The following RORA variants were observed in gnomAD, a reference collection of about 807,000 sequenced individuals.
RORA encodes the protein RAR related orphan receptor A.
A neutral mutation model predicts 69.5 loss-of-function variants in RORA; 7 were observed. That is an observed-to-expected ratio of 0.10 (90% CI 0.06 to 0.19). The LOEUF is 0.19. RORA is among the 10% of genes least tolerant of loss of function. RORA has a pLI of 1.00. For missense variants in RORA, 457 were observed against 663.0 expected, an observed-to-expected ratio of 0.69 and a Z score of 3.41; for synonymous variants, 261 against 240.8, an observed-to-expected ratio of 1.08 and a Z score of -0.78.
chr15:60,612,114 T>A (rs933934365), intron 2 of RORA, among the ~76,000 whole-genome samples: 34 of 152,216 alleles, frequency 2.2e-4, no homozygotes, highest in Non-Finnish European at 5.9e-5. Flanking sequence ...TTGGATGCTA[T>A]CACTGAAGTT....
rs181277796 is a variant in RORA at position 60,788,539 on chromosome 15, T to C, written c.167-109853A>G. Reference sequence around the variant, plus strand: ...AAACTCCTTTCTCTACTAATCACGGTGTTGCTGCACCAAGAAGAAGCCGCC... The same window carrying C: ...AAACTCCTTTCTCTACTAATCACGGCGTTGCTGCACCAAGAAGAAGCCGCC... On this transcript the variant is annotated intron_variant, in intron 1 of 10. Coordinates refer to ENST00000335670, the MANE Select transcript of RORA (RefSeq NM_134261.3). Among the ~76,000 whole-genome samples, 410 of 152,312 alleles carry C rather than the reference T, an allele frequency of 2.7e-3. 3 individuals are homozygous for C. The highest frequency in any genetic ancestry group is 6.8e-3 in the Middle Eastern group (2 of 294).
At chr15:60,752,358 C>A (rs562821276) in intron 1 of RORA, among the ~76,000 whole-genome samples, 12 of 152,096 alleles carry the variant, frequency 7.9e-5, no homozygotes, top group African/African-American at 2.9e-4. Context: ...GTATGTAAAG[C>A]GCAGGGACGT....
chr15:60,616,880 A>G (rs1433442436), intron 2 of RORA, among the ~76,000 whole-genome samples: 2 of 152,208 alleles, frequency 1.3e-5, no homozygotes, highest in Non-Finnish European at 2.9e-5. Flanking sequence ...GACCAGCCTC[A>G]CGTCTACCTC....
At chr15:60,790,162 G>T (rs906331979) in intron 1 of RORA, among the ~76,000 whole-genome samples, 2 of 152,188 alleles carry the variant, frequency 1.3e-5, no homozygotes, top group Admixed American at 6.5e-5. Context: ...CAGACCAGTG[G>T]TTCTTCCACT....
intron 2 of RORA, among the ~76,000 whole-genome samples, chr15:60,640,406 T>C (rs2069921909): frequency 6.6e-6 from 1 of 152,150 alleles, no homozygotes; most frequent in South Asian, 2.1e-4. Context: ...CCTCCTTCTG[T>C]TTTTAAACCC....
intron 1 of RORA, among the ~76,000 whole-genome samples, chr15:60,853,727 G>T (rs1345526752): frequency 6.6e-6 from 1 of 152,156 alleles, no homozygotes; most frequent in South Asian, 2.1e-4. Flanking sequence ...CTAATTTGTT[G>T]AATTTCAGGA....
chr15:61,118,709 A>G (rs1241075764), intron 1 of RORA, among the ~76,000 whole-genome samples: 1 of 151,714 alleles, frequency 6.6e-6, no homozygotes, highest in East Asian at 1.9e-4. Context: ...CTTCTGTGAC[A>G]CTCTCCTCAA....
chr15:60,497,738 T>C, intron 10 of RORA, 119 bp from the exon 11 acceptor site: 1 of 809,386 alleles, frequency 1.2e-6, no homozygotes. Context: ...TAAAGCAACT[T>C]AAACATCCAG....
At chr15:60,558,229 A>T (rs1315869222) in intron 2 of RORA, 2 of 1,609,272 alleles carry the variant, frequency 1.2e-6, no homozygotes, top group South Asian at 2.2e-5. Context: ...ACTTACACAG[A>T]CGCCAGTAAG....
intron 1 of RORA, among the ~76,000 whole-genome samples, chr15:61,133,144 CA>C (rs1015621554): frequency 5.5e-4 from 79 of 143,078 alleles, no homozygotes; most frequent in East Asian, 1.2e-3. Context: ...ATCCCCCCAC[CA>C]AAAAAAAAAA....
At chr15:60,761,029 G>C (rs972948495) in intron 1 of RORA, among the ~76,000 whole-genome samples, 1 of 152,164 alleles carries the variant, frequency 6.6e-6, no homozygotes, top group Non-Finnish European at 1.5e-5. Flanking sequence ...TTTGGGCACA[G>C]GGAGGGGTGG....
At chr15:60,574,106 G>A (rs1288907690) in intron 2 of RORA, among the ~76,000 whole-genome samples, 1 of 152,152 alleles carries the variant, frequency 6.6e-6, no homozygotes, top group African/African-American at 2.4e-5. Flanking sequence ...TGGTGCTGGG[G>A]CTGTTGGGTC....
chr15:60,962,643 C>A (rs918470443), intron 1 of RORA, among the ~76,000 whole-genome samples: 1 of 152,164 alleles, frequency 6.6e-6, no homozygotes, highest in Non-Finnish European at 1.5e-5. Flanking sequence ...ATTTTAGAGA[C>A]CATAAAATGA....
At chr15:60,623,612 GGCCTGGCTCCA>G (rs2069479685) in intron 2 of RORA, among the ~76,000 whole-genome samples, 1 of 152,150 alleles carries the variant, frequency 6.6e-6, no homozygotes, top group African/African-American at 2.4e-5. Context: ...AAGCACAAGT[GGCCTGGCTCCA>G]GAGCCAGGCT....
chr15:60,845,395 A>G (rs1171403200), intron 1 of RORA, among the ~76,000 whole-genome samples: 1 of 152,106 alleles, frequency 6.6e-6, no homozygotes, highest in Non-Finnish European at 1.5e-5. Flanking sequence ...CCTCGTCCCT[A>G]TTTCCCTGAA....
At chr15:61,027,115 C>G (rs1895859002) in intron 1 of RORA, among the ~76,000 whole-genome samples, 1 of 152,116 alleles carries the variant, frequency 6.6e-6, no homozygotes, top group African/African-American at 2.4e-5. Context: ...TATGTCTCTT[C>G]TAATGGAATA....
At position 60,792,390 on chromosome 15, in the gene RORA, T is replaced by C. The variant is rs1321129923; in HGVS notation, c.167-113704A>G. 3.9e-5 allele frequency among the ~76,000 whole-genome samples: 6 copies of C among 152,320 alleles called. No individual in the cohort carries two copies. In the South Asian group the frequency reaches 8.3e-4, roughly 21 times the overall value. On this transcript the variant is annotated intron_variant, in intron 1 of 10. Transcript: ENST00000335670. ...GAGAGAGAATGAAGCAGAAAAAGTA[T>C]ATTTGAAGGAACGGCTGAAAATTTA...
At chr15:60,865,096 G>A (rs2073473429) in intron 1 of RORA, among the ~76,000 whole-genome samples, 1 of 152,184 alleles carries the variant, frequency 6.6e-6, no homozygotes, top group Admixed American at 6.5e-5. Flanking sequence ...CCATTGCCTG[G>A]TCCAACGTTC....
At chr15:60,683,464 C>A (rs117038817) in intron 1 of RORA, among the ~76,000 whole-genome samples, 93 of 152,192 alleles carry the variant, frequency 6.1e-4, no homozygotes, top group Middle Eastern at 3.4e-3. Flanking sequence ...TCAAAGGTAA[C>A]CCCCTGAAAC....
Sources: allele counts gnomAD v4.1 joint callset (sites outside exome capture counted in the v4.1 genomes callset), GRCh38; gene constraint gnomAD v4.1.1; transcripts MANE v1.5; gene names NCBI Gene and HGNC (gene_info 2026-07-23, HGNC 2026-07-21).